EIF2AK2: variants seen among roughly 807,000 people sequenced by gnomAD.
The protein encoded by EIF2AK2 is eukaryotic translation initiation factor 2 alpha kinase 2, also known as interferon-induced, double-stranded RNA-activated protein kinase.
EIF2AK2 carries 40 observed loss-of-function variants against 70.5 expected under a neutral mutation model. That is an observed-to-expected ratio of 0.57 (90% CI 0.44 to 0.74). The LOEUF is 0.74. Ranked by LOEUF, EIF2AK2 falls within the 30% of genes least tolerant of loss-of-function variation. The probability of loss-of-function intolerance (pLI) is 0.00; values close to 1 mark genes in which losing one functional copy is unlikely to be tolerated. For synonymous variants in EIF2AK2, 198 were observed against 220.9 expected, an observed-to-expected ratio of 0.90 and a Z score of 0.92; for missense variants, 555 against 644.3, an observed-to-expected ratio of 0.86 and a Z score of 1.50.
chr2:37,110,750 C>A (rs1175671008), intron 14 of EIF2AK2, among the ~76,000 whole-genome samples: 1 of 151,964 alleles, frequency 6.6e-6, no homozygotes, highest in African/African-American at 2.4e-5. Context: ...ATAGGATAAA[C>A]AACCCAAAAG....
intron 10 of EIF2AK2, among the ~76,000 whole-genome samples, chr2:37,126,987 A>AAAAAAAAAAAAAAAAAAC: frequency 6.8e-6 from 1 of 147,744 alleles, no homozygotes; most frequent in African/African-American, 2.5e-5. Context: ...AAAAAAAAAA[A>AAAAAAAAAAAAAAAAAAC]AAAAAAAAAA....
At chr2:37,145,737 C>G (rs1047400380) in intron 4 of EIF2AK2, among the ~76,000 whole-genome samples, 1 of 102,922 alleles carries the variant, frequency 9.7e-6, no homozygotes, top group Non-Finnish European at 1.8e-5. Flanking sequence ...TGTACTTTTG[C>G]TTGTCTTTTT....
At chr2:37,138,075 C>CTCCAGCCT (rs1675189163) in intron 8 of EIF2AK2, among the ~76,000 whole-genome samples, 195 bp downstream of exon 8, 1 of 147,954 alleles carries the variant, frequency 6.8e-6, no homozygotes, top group Non-Finnish European at 1.5e-5. Flanking sequence ...CACCACTGCA[C>CTCCAGCCT]TCCAGCCTGG....
At chr2:37,109,501 G>A in intron 14 of EIF2AK2, 1 of 502,214 alleles carries the variant, frequency 2.0e-6, no homozygotes, top group Non-Finnish European at 3.6e-6. Flanking sequence ...CGATCAACAT[G>A]GGAATAATCT....
chr2:37,143,240 A>G (rs1225167631), intron 4 of EIF2AK2, among the ~76,000 whole-genome samples: 2 of 138,388 alleles, frequency 1.4e-5, no homozygotes, highest in Non-Finnish European at 3.2e-5. Context: ...AAAAAAAAAA[A>G]GAATCAATGT....
chr2:37,138,515 C>G lies in EIF2AK2; in HGVS notation c.587G>C (p.Ser196Thr). Residue 196 changes from serine (S) to threonine (T), a missense_variant, in exon 7 of 17, where the codon AGC becomes ACC. Ser to Thr is a moderately conservative substitution (Grantham distance 58). This residue lies in a region of EIF2AK2 where 208 missense variants were observed against 191.8 expected (regional missense o/e 1.08). Coordinates refer to ENST00000233057, the MANE Select transcript of EIF2AK2 (RefSeq NM_001135651.3). Reference sequence around the variant, plus strand: ...ATTGTTTGTCTACACTTACAGTGTGCTGGTCACTAAAGAGTTGCTTTGGGA... The same window carrying G: ...ATTGTTTGTCTACACTTACAGTGTGGTGGTCACTAAAGAGTTGCTTTGGGA... ...CESQSNSLVT[S>T]TLASESSSEG... is the part of the protein sequence containing the mutation. 6.2e-7 allele frequency: 1 copy of G among 1,613,998 alleles called. No homozygotes were observed.
rs1008759270 is a variant in EIF2AK2 at position 37,127,501 on chromosome 2, C to T, written c.786-1090G>A. Among the ~76,000 whole-genome samples, 58 of 152,240 alleles carry T rather than the reference C, an allele frequency of 3.8e-4. 1 individual carries two copies. Among genetic ancestry groups the T allele is most frequent in the Middle Eastern group, 3.4e-3 (1 of 294 alleles). Reference sequence around the variant, plus strand: ...CATCCTCATCTCATGGCACTGTGCCCCTCCTCATTGCACTCAAAGCACACA... The same window carrying T: ...CATCCTCATCTCATGGCACTGTGCCTCTCCTCATTGCACTCAAAGCACACA... On this transcript the variant is annotated intron_variant, in intron 10 of 16. Transcript: ENST00000233057.
intron 1 of EIF2AK2, among the ~76,000 whole-genome samples, chr2:37,151,875 G>A (rs1175299573): frequency 1.3e-5 from 2 of 152,238 alleles, no homozygotes; most frequent in African/African-American, 4.8e-5. Flanking sequence ...TCAGGAGATC[G>A]AGACCACGGT....
chr2:37,154,736 A>G (rs1386965534), intron 1 of EIF2AK2, among the ~76,000 whole-genome samples: 1 of 151,762 alleles, frequency 6.6e-6, no homozygotes, highest in Non-Finnish European at 1.5e-5. Context: ...AATTTTTTAT[A>G]TTTTTAGTAG....
In EIF2AK2 at chr2:37,140,764, T is replaced by C. The variant is rs114579532; in HGVS notation, c.389+789A>G. ...TTTCATTCCAATGAATACTATAACA[T>C]TTTTCTCTTCCTGGTTTTGGCTCAA... On this transcript the variant is annotated intron_variant, in intron 5 of 16. Coordinates refer to ENST00000233057, the MANE Select transcript of EIF2AK2 (RefSeq NM_001135651.3). 3.7e-3 allele frequency among the ~76,000 whole-genome samples: 563 copies of C among 152,348 alleles called. 3 individuals carry two copies. The highest frequency in any genetic ancestry group is 6.8e-3 in the Middle Eastern group (2 of 294).
intron 6 of EIF2AK2, 76 bp downstream of exon 6, chr2:37,139,555 T>C (rs1401898531): frequency 1.3e-6 from 2 of 1,561,122 alleles, no homozygotes; most frequent in Non-Finnish European, 1.7e-6. Flanking sequence ...TGGCATAATG[T>C]TAACACAGTC....
chr2:37,107,450 T>A, intron 16 of EIF2AK2, 24 bp downstream of exon 16: 1 of 1,611,662 alleles, frequency 6.2e-7, no homozygotes, highest in Non-Finnish European at 8.5e-7. Context: ...ATAAATAAAA[T>A]TCTGATGATT....
intron 14 of EIF2AK2, among the ~76,000 whole-genome samples, chr2:37,111,406 T>C (rs1311527156): frequency 6.6e-5 from 10 of 151,346 alleles, no homozygotes; most frequent in Non-Finnish European, 1.0e-4. Context: ...TTCTTTTTTT[T>C]TTTTTTTCTT....
At position 37,107,391 on chromosome 2, in the gene EIF2AK2, G is replaced by A. The variant is rs779631229; in HGVS notation, c.1538C>T (p.Thr513Ile). 6.2e-7 allele frequency: 1 copy of A among 1,613,334 alleles called. No homozygotes were observed. The highest frequency in any genetic ancestry group is 1.7e-5 in the Admixed American group (1 of 59,876). ...ISDIFDKKEKTLLQKLLSKKP... is the reference protein window; with the variant it reads ...ISDIFDKKEKILLQKLLSKKP... Reference sequence around the variant, plus strand: ...CTTTGAGAGTAATTTCTGTAGAAGAGTTTTCTGCAATGACAGTGAGAGTCA... The same window carrying A: ...CTTTGAGAGTAATTTCTGTAGAAGAATTTTCTGCAATGACAGTGAGAGTCA... Residue 513 changes from threonine (T) to isoleucine (I), a missense_variant, in exon 17 of 17, where the codon ACT (threonine) becomes ATT (isoleucine). Physicochemically the swap from Thr to Ile is moderately conservative, Grantham distance 89. Around this residue, in one of 3 missense-constraint regions of EIF2AK2, gnomAD observed 299 missense variants for 375.4 expected, o/e 0.80. Transcript: ENST00000233057.
At chr2:37,117,918 T>C (rs1674401384) in intron 13 of EIF2AK2, among the ~76,000 whole-genome samples, 1 of 152,162 alleles carries the variant, frequency 6.6e-6, no homozygotes, top group African/African-American at 2.4e-5. Context: ...AACCCCAAAA[T>C]TGTACACCTT....
chr2:37,150,141 TA>T (rs34438804), intron 1 of EIF2AK2, among the ~76,000 whole-genome samples: 52,193 of 135,924 alleles, frequency 0.38, 9,928 homozygotes, highest in East Asian at 0.73. Flanking sequence ...GAAGTGACGG[TA>T]AAAAAAAAAA....
intron 15 of EIF2AK2, 145 bp downstream of exon 15, chr2:37,109,049 A>T: frequency 2.8e-6 from 2 of 722,296 alleles, no homozygotes; most frequent in Middle Eastern, 2.5e-4. Context: ...ACCTTGAAAG[A>T]CAGAAAATTC....
intron 8 of EIF2AK2, 96 bp from the exon 9 acceptor site, chr2:37,137,113 G>A: frequency 2.0e-6 from 2 of 1,015,492 alleles, no homozygotes; most frequent in South Asian, 1.7e-5. Flanking sequence ...ATGGCTCTCT[G>A]ACCAATTTCT....
intron 1 of EIF2AK2, among the ~76,000 whole-genome samples, chr2:37,150,980 G>A (rs114209235): frequency 1.3e-5 from 2 of 152,056 alleles, no homozygotes; most frequent in African/African-American, 2.4e-5. Flanking sequence ...ATGTACAAGC[G>A]AAAACTATAA....
Sources: gnomAD v4.1 joint callset for allele counts (sites outside exome capture counted in the v4.1 genomes callset) on GRCh38, gnomAD v4.1.1 for gene constraint, gnomAD v4.1.1 regional missense constraint, MANE v1.5 for transcripts, NCBI Gene and HGNC (gene_info 2026-07-23, HGNC 2026-07-21) for gene names.